Variants in FBXL19 observed in about 807,000 individuals in gnomAD.
The protein encoded by FBXL19 is F-box/LRR-repeat protein 19.
In FBXL19, 16 loss-of-function variants were observed where a neutral mutation model predicts 71.2. The ratio of observed to expected loss-of-function variants is 0.22; its 90% CI spans 0.15 to 0.34. The LOEUF is 0.34. Among genes scored for constraint, FBXL19 ranks in the 10% least tolerant of loss-of-function variants. The probability of loss-of-function intolerance (pLI) is 1.00; values close to 1 mark genes in which losing one functional copy is unlikely to be tolerated. For synonymous variants in FBXL19, 447 were observed against 409.4 expected (o/e 1.09, Z -1.11); for missense variants, 658 against 968.2 (o/e 0.68, Z 4.25).
At chr16:30,928,657 C>T (rs1481674460) in intron 6 of FBXL19, 29 bp downstream of exon 6, 3 of 1,490,474 alleles carry the variant, frequency 2.0e-6, no homozygotes, top group Non-Finnish European at 2.7e-6. Flanking sequence ...CCCTCCCCTT[C>T]CCACCTTCCC....
rs1207547598 is a variant in FBXL19 at position 30,925,578 on chromosome 16, G to A, written c.-24-153G>A. The A allele has an allele frequency of 8.9e-6, 7 of 787,320 alleles. No homozygotes were observed. The highest frequency in any genetic ancestry group is 1.3e-5 in the Non-Finnish European group (7 of 550,304). 48.8% of individuals were successfully genotyped at this position (787,320 alleles called of 1,614,324 possible). On this transcript the variant is annotated intron_variant, in intron 1 of 10. Transcript: ENST00000338343. This position sits in a 1 kb window ranked among gnomAD's most constrained non-coding sequence, Gnocchi z 5.0. ...GCAGGGAGACAGGCCTTGAGTAGAG[G>A]ATTGGCCCCCAGATACACAGAAGGG...
At chr16:30,940,576 C>G (rs953446216) in intron 7 of FBXL19, among the ~76,000 whole-genome samples, 4 of 152,114 alleles carry the variant, frequency 2.6e-5, no homozygotes, top group African/African-American at 7.2e-5. Flanking sequence ...CAAAATGTTA[C>G]TAGATTACCT....
chr16:30,943,367 A>ATTTTTTTT (rs34002102), intron 9 of FBXL19, among the ~76,000 whole-genome samples: 1 of 67,584 alleles, frequency 1.5e-5, no homozygotes, highest in Non-Finnish European at 2.8e-5. Flanking sequence ...TTTTTTTGTA[A>ATTTTTTTT]TTTTTTTTTT....
intron 7 of FBXL19, among the ~76,000 whole-genome samples, chr16:30,938,658 A>G (rs775599929): frequency 8.4e-4 from 127 of 151,970 alleles, no homozygotes; most frequent in Admixed American, 1.9e-3. Flanking sequence ...CTTTTTTGAG[A>G]TGGAGTCTTG....
Position 30,923,943 on chromosome 16 carries a change from G to A in FBXL19, c.-541G>A, listed in dbSNP as rs2055557613. Among the ~76,000 whole-genome samples, 1 of 149,836 alleles carries A rather than the reference G, an allele frequency of 6.7e-6. No homozygotes were observed. The highest frequency in any genetic ancestry group is 1.5e-5 in the Non-Finnish European group (1 of 67,070). ...CCAGGGGAGGGGGGCAGGTTACAGC[G>A]ACCCCCCCCTCCCCGGGAACCGGCG... On this transcript the variant is annotated 5_prime_UTR_variant, in exon 1 of 11. Coordinates refer to ENST00000338343, the MANE Select transcript of FBXL19 (RefSeq NM_001382779.1).
chr16:30,937,453 C>G (rs537398035), intron 7 of FBXL19, among the ~76,000 whole-genome samples: 1 of 152,134 alleles, frequency 6.6e-6, no homozygotes, highest in Non-Finnish European at 1.5e-5. Flanking sequence ...CTGTCCATGT[C>G]TCCCTGACTG....
chr16:30,927,361 G>A lies in FBXL19; in HGVS notation c.231G>A (p.Glu77=), dbSNP rs1368180741. 7 of 1,589,950 alleles carry A rather than the reference G, an allele frequency of 4.4e-6. No homozygotes were observed. The East Asian group carries it at 1.4e-4, about 31-fold the overall frequency. The change falls in exon 3 of 11, where the codon GAG becomes GAA. Residue 77 remains glutamate (E), a synonymous_variant. Coordinates refer to ENST00000338343, the MANE Select transcript of FBXL19 (RefSeq NM_001382779.1). ...VCLLCGEAGK[E]DTVEGEEEKF... is the part of the protein sequence containing the mutation. The stretch of plus-strand genomic sequence containing the variant: ...TCTTGTGTGGGGAGGCTGGGAAGGA[G>A]GACACGGTGGAGGGAGAGGAAGAGA...
chr16:30,942,505 G>A lies in FBXL19; in HGVS notation c.1596G>A (p.Glu532=). The change falls in exon 9 of 11, where the codon GAG becomes GAA. Residue 532 remains glutamate, a synonymous_variant. Transcript: ENST00000338343. The surrounding 1 kb of genome is among the most constrained non-coding windows in gnomAD (Gnocchi z 5.7). ...IEDVKDSQLR[E]LLLPPPDTKP... The stretch of plus-strand genomic sequence containing the variant: ...ATGTTAAAGACTCCCAGCTCCGGGA[G>A]TTGCTGCTGCCTCCACCAGACACCA... 1 of 1,594,866 alleles carries A rather than the reference G, an allele frequency of 6.3e-7. No individual in the cohort carries two copies. The highest frequency in any genetic ancestry group is 8.5e-7 in the Non-Finnish European group (1 of 1,171,120).
chr16:30,927,383 G>A lies in FBXL19; in HGVS notation c.253G>A (p.Glu85Lys), dbSNP rs1319856938. 1 of 1,593,528 alleles carries A rather than the reference G, an allele frequency of 6.3e-7. No homozygotes were observed. Among genetic ancestry groups the A allele is most frequent in the Non-Finnish European group, 8.5e-7 (1 of 1,169,914 alleles). The change falls in exon 3 of 11, where the codon GAG (glutamate) becomes AAG (lysine). Residue 85 changes from glutamate (E) to lysine (K), a missense_variant. By Grantham distance (56) the Glu-to-Lys change is moderately conservative. Around this residue, in one of 8 missense-constraint regions of FBXL19, gnomAD observed 447 missense variants for 515.4 expected, o/e 0.87. Transcript: ENST00000338343. ...GGAGGACACGGTGGAGGGAGAGGAA[G>A]AGAAATTTGGTTTGAGCCTCATGGA... ...GKEDTVEGEE[E>K]KFGLSLMECT...
chr16:30,932,639 G>C (rs1158292838), intron 7 of FBXL19, among the ~76,000 whole-genome samples: 1 of 152,074 alleles, frequency 6.6e-6, no homozygotes, highest in Non-Finnish European at 1.5e-5. Context: ...ACCTTTTGGG[G>C]ATTAAGTGAA....
In FBXL19 at chr16:30,930,694, A is replaced by C; in HGVS notation, c.1301+110A>C. On this transcript the variant is annotated intron_variant, in intron 7 of 10. Coordinates refer to ENST00000338343, the MANE Select transcript of FBXL19 (RefSeq NM_001382779.1). The surrounding 1 kb of genome is among the most constrained non-coding windows in gnomAD (Gnocchi z 8.5). ...TGGGCCTTGCTTTTATATTGGGGAT[A>C]CTTCTCTAGTATGCACAGATTACAG... 8.3e-7 allele frequency: 1 copy of C among 1,202,334 alleles called. No homozygotes were observed. The highest frequency in any genetic ancestry group is 1.1e-6 in the Non-Finnish European group (1 of 915,092). 74.5% of individuals were successfully genotyped at this position (1,202,334 alleles called of 1,614,324 possible).
chr16:30,939,588 T>A (rs1174082114), intron 7 of FBXL19, among the ~76,000 whole-genome samples: 1 of 151,020 alleles, frequency 6.6e-6, no homozygotes, highest in African/African-American at 2.4e-5. Context: ...TAATTTTTTG[T>A]ATTTTTTTTT....
At position 30,942,119 on chromosome 16, in the gene FBXL19, C is replaced by A; in HGVS notation, c.1305C>A (p.Cys435Ter). The A allele has an allele frequency of 6.3e-7, 1 of 1,578,552 alleles. No homozygotes were observed. The highest frequency in any genetic ancestry group is 1.1e-5 in the South Asian group (1 of 87,388). ...GTCTCCCCCCTATGGCCGCCAGGTG[C>A]TATGACAAGCGTCTGTGGCCTCGAA... ...MRVCRTWSRW[C>*]YDKRLWPRMD... The change falls in exon 8 of 11, where the codon TGC becomes TGA. Residue 435 changes from cysteine (C) to a stop codon, truncating the protein, a stop_gained. Transcript: ENST00000338343. LOFTEE classifies it high-confidence loss of function. This position sits in a 1 kb window ranked among gnomAD's most constrained non-coding sequence, Gnocchi z 5.7.
intron 9 of FBXL19, among the ~76,000 whole-genome samples, chr16:30,943,506 C>G (rs925801637): frequency 4.0e-5 from 6 of 151,262 alleles, no homozygotes; most frequent in African/African-American, 1.5e-4. Flanking sequence ...TCCCAAGTAG[C>G]TGGGACTACA....
Position 30,934,867 on chromosome 16 carries a change from G to C in FBXL19, c.1301+4283G>C, listed in dbSNP as rs1367233366. 2.6e-5 allele frequency among the ~76,000 whole-genome samples: 4 copies of C among 152,176 alleles called. No homozygotes were observed. The East Asian group carries it at 7.7e-4, about 29-fold the overall frequency. On this transcript the variant is annotated intron_variant, in intron 7 of 10. Coordinates refer to ENST00000338343, the MANE Select transcript of FBXL19 (RefSeq NM_001382779.1). Reference sequence around the variant, plus strand: ...GTGTGGGTCTGATGCTCAGGAGAAAGATACACGTTTGGGAGTTCTCAGCCT... The same window carrying C: ...GTGTGGGTCTGATGCTCAGGAGAAACATACACGTTTGGGAGTTCTCAGCCT...
chr16:30,928,322 C>T, intron 5 of FBXL19, 145 bp from the exon 6 acceptor site: 2 of 879,566 alleles, frequency 2.3e-6, no homozygotes, highest in Non-Finnish European at 3.3e-6. Flanking sequence ...ACGCTGGGTG[C>T]AAGGTGAGCA....
intron 9 of FBXL19, among the ~76,000 whole-genome samples, chr16:30,943,186 C>A (rs1440269194): frequency 6.6e-6 from 1 of 151,994 alleles, no homozygotes; most frequent in Admixed American, 6.6e-5. Flanking sequence ...ATAAGATAAT[C>A]CTTTTGTTTG....
Position 30,947,834 on chromosome 16 carries a change from TC to T in FBXL19, c.*610del. On this transcript the variant is annotated 3_prime_UTR_variant, in exon 11 of 11. Coordinates refer to ENST00000338343, the MANE Select transcript of FBXL19 (RefSeq NM_001382779.1). ...CCCCCTTGGGGGTCACCTCTCTGCTTCCCCCCTCCCCAGGCTTCAGTTCCTT... is the reference window on the plus strand; with the variant it reads ...CCCCCTTGGGGGTCACCTCTCTGCTTCCCCCTCCCCAGGCTTCAGTTCCTT... The T allele has an allele frequency of 2.2e-6, 1 of 447,276 alleles. No individual in the cohort carries two copies. The allele number at this position is 447,276 out of a possible 1,614,324, so 27.7% of individuals were successfully genotyped here.
intron 6 of FBXL19, among the ~76,000 whole-genome samples, chr16:30,928,942 A>C (rs764798679): frequency 6.6e-6 from 1 of 152,168 alleles, no homozygotes; most frequent in Non-Finnish European, 1.5e-5. Context: ...GCAGCTTGTC[A>C]GCCACCCTGA....
Sources: gnomAD v4.1 joint callset for allele counts (sites outside exome capture counted in the v4.1 genomes callset) on GRCh38, gnomAD v4.1.1 for gene constraint, gnomAD v4.1.1 regional missense constraint, Gnocchi (gnomAD v3.1) non-coding constraint, MANE v1.5 for transcripts, NCBI Gene and HGNC (gene_info 2026-07-23, HGNC 2026-07-21) for gene names.